The following CACNA2D3 variants were observed in gnomAD, a reference collection of about 807,000 sequenced individuals.
CACNA2D3 encodes voltage-dependent calcium channel subunit alpha-2/delta-3.
CACNA2D3 carries 60 observed loss-of-function variants against 160.6 expected under a neutral mutation model. That is an observed-to-expected ratio of 0.37 (90% CI 0.30 to 0.46). The LOEUF (loss-of-function observed/expected upper bound fraction) is 0.46. CACNA2D3 is among the 20% of genes least tolerant of loss of function. CACNA2D3 has a pLI of 1.00. For missense variants in CACNA2D3, 1,205 were observed against 1,365.0 expected (o/e 0.88, Z 1.85); for synonymous variants, 558 against 492.9 (o/e 1.13, Z -1.75).
intron 4 of CACNA2D3, among the ~76,000 whole-genome samples, chr3:54,422,883 T>C (rs1442314224): frequency 6.6e-6 from 1 of 152,200 alleles, no homozygotes; most frequent in Non-Finnish European, 1.5e-5. Context: ...TTAGCAAAAA[T>C]TGACTAACTG....
chr3:54,391,777 C>T (rs923539679), intron 4 of CACNA2D3, among the ~76,000 whole-genome samples: 1 of 152,144 alleles, frequency 6.6e-6, no homozygotes, highest in Non-Finnish European at 1.5e-5. Context: ...TCCCAAAGTG[C>T]TGGGATTATA....
chr3:54,964,818 ATT>A (rs111676613), intron 27 of CACNA2D3, among the ~76,000 whole-genome samples: 2 of 144,314 alleles, frequency 1.4e-5, no homozygotes, highest in Non-Finnish European at 1.5e-5. Context: ...GGTTATTCTT[ATT>A]TTTTTTTTTG....
intron 11 of CACNA2D3, among the ~76,000 whole-genome samples, chr3:54,717,035 CT>C (rs1701063928): frequency 6.6e-6 from 1 of 151,984 alleles, no homozygotes. Context: ...ACAGTAACTA[CT>C]TTTCTGACTT....
chr3:54,747,876 C>T (rs1701784539), intron 11 of CACNA2D3, among the ~76,000 whole-genome samples: 3 of 152,164 alleles, frequency 2.0e-5, no homozygotes, highest in Non-Finnish European at 4.4e-5. Context: ...AAATGCAGCC[C>T]CCATCACTCT....
At chr3:54,956,550 C>T (rs558912259) in intron 27 of CACNA2D3, among the ~76,000 whole-genome samples, 5 of 152,184 alleles carry the variant, frequency 3.3e-5, no homozygotes, top group African/African-American at 1.2e-4. Flanking sequence ...TGTGCACAGC[C>T]AAAAATACTT....
Position 55,073,865 on chromosome 3 carries a change from T to A in CACNA2D3, c.3183+6T>A. 1 of 1,610,642 alleles carries A rather than the reference T, an allele frequency of 6.2e-7. No individual in the cohort carries two copies. The highest frequency in any genetic ancestry group is 8.5e-7 in the Non-Finnish European group (1 of 1,177,116). Reference sequence around the variant, plus strand: ...GTCATGGCTTCCATCCTGAGGTAAGTCTGAGAACTGTTCCTGTTTCCTTTT... The same window carrying A: ...GTCATGGCTTCCATCCTGAGGTAAGACTGAGAACTGTTCCTGTTTCCTTTT... On this transcript the variant is annotated splice_donor_region_variant and intron_variant, in intron 37 of 37. Coordinates refer to ENST00000474759, the MANE Select transcript of CACNA2D3 (RefSeq NM_018398.3).
intron 2 of CACNA2D3, among the ~76,000 whole-genome samples, chr3:54,129,327 T>C (rs1051271853): frequency 6.6e-6 from 1 of 152,204 alleles, no homozygotes; most frequent in African/African-American, 2.4e-5. Context: ...AAATACATAC[T>C]TGAAAATAGT....
At chr3:54,807,103 A>C (rs1304298897) in intron 13 of CACNA2D3, among the ~76,000 whole-genome samples, 2 of 152,232 alleles carry the variant, frequency 1.3e-5, no homozygotes. Flanking sequence ...TAAAAACCCT[A>C]GAAGAAAACC....
rs137923195 is a variant in CACNA2D3 at position 55,023,578 on chromosome 3, G to A, written c.2987+5261G>A. Among the ~76,000 whole-genome samples, 324 of 152,034 alleles carry A rather than the reference G, an allele frequency of 2.1e-3. 2 individuals are homozygous for A. The highest frequency in any genetic ancestry group is 0.017 in the Middle Eastern group (5 of 294). On this transcript the variant is annotated intron_variant, in intron 35 of 37. Coordinates refer to ENST00000474759, the MANE Select transcript of CACNA2D3 (RefSeq NM_018398.3). ...CTTCTATCTGTGTTTTTCCATGTTAGATTATTGGCTCATGTATTTTGTCAT... is the reference window on the plus strand; with the variant it reads ...CTTCTATCTGTGTTTTTCCATGTTAAATTATTGGCTCATGTATTTTGTCAT...
intron 4 of CACNA2D3, among the ~76,000 whole-genome samples, chr3:54,394,292 C>T (rs909359685): frequency 2.0e-5 from 3 of 151,520 alleles, no homozygotes; most frequent in Non-Finnish European, 2.9e-5. Context: ...GGCAATCTGC[C>T]TGCAACCCTG....
rs115555163 is a variant in CACNA2D3 at position 54,836,050 on chromosome 3, A to G, written c.1399-1109A>G. Among the ~76,000 whole-genome samples, 563 of 152,192 alleles carry G rather than the reference A, an allele frequency of 3.7e-3. 4 individuals carry two copies. The highest frequency in any genetic ancestry group is 5.8e-3 in the Non-Finnish European group (393 of 68,018). On this transcript the variant is annotated intron_variant, in intron 14 of 37. Transcript: ENST00000474759. ...GATTTGTCTTGGGCCAAAGCCTACC[A>G]TGTTCCAAGACTCTGTTTCCCTATT... is the stretch of plus-strand genomic sequence containing the variant.
At chr3:54,876,672 C>T (rs958933322) in intron 18 of CACNA2D3, among the ~76,000 whole-genome samples, 1 of 152,208 alleles carries the variant, frequency 6.6e-6, no homozygotes, top group Non-Finnish European at 1.5e-5. Flanking sequence ...GGCCTCGTTA[C>T]CCTGGGCAAA....
intron 4 of CACNA2D3, among the ~76,000 whole-genome samples, chr3:54,412,610 C>CTTTTTTTTTTTTTTTTTTTTT (rs774491527): frequency 4.1e-5 from 5 of 120,600 alleles, no homozygotes; most frequent in East Asian, 2.4e-4. Context: ...TGGTCTTGTT[C>CTTTTTTTTTTTTTTTTTTTTT]TTTTTTTTTT....
intron 35 of CACNA2D3, among the ~76,000 whole-genome samples, chr3:55,053,809 G>A (rs1482920315): frequency 1.3e-5 from 2 of 151,880 alleles, no homozygotes; most frequent in South Asian, 2.1e-4. Flanking sequence ...GTAACTTCAA[G>A]TACAATGTAA....
chr3:54,538,675 C>T (rs1371422785), intron 5 of CACNA2D3, among the ~76,000 whole-genome samples: 2 of 152,186 alleles, frequency 1.3e-5, no homozygotes, highest in African/African-American at 4.8e-5. Flanking sequence ...GAGGGATTCA[C>T]TGTCCTCCCA....
At chr3:54,737,537 A>G (rs1462255666) in intron 11 of CACNA2D3, among the ~76,000 whole-genome samples, 1 of 152,092 alleles carries the variant, frequency 6.6e-6, no homozygotes, top group African/African-American at 2.4e-5. Flanking sequence ...GTGGTTGGGA[A>G]TTTGGCAGTT....
chr3:54,237,203 G>A (rs779113797), intron 2 of CACNA2D3, among the ~76,000 whole-genome samples: 1 of 152,036 alleles, frequency 6.6e-6, no homozygotes, highest in African/African-American at 2.4e-5. Flanking sequence ...TAAATAATTT[G>A]TGTTAAATAT....
Position 54,123,574 on chromosome 3 carries a change from G to T in CACNA2D3, c.184G>T (p.Gly62Cys). 1 of 1,613,768 alleles carries T rather than the reference G, an allele frequency of 6.2e-7. No individual in the cohort carries two copies. The highest frequency in any genetic ancestry group is 8.5e-7 in the Non-Finnish European group (1 of 1,179,774). ...EIKSIAAKYS[G>C]SQLLQKKYKE... ...AAAATCCATTGCTGCTAAGTACTCC[G>T]GTTCCCAGCTTCTGCAAAAGGTAAG... The change falls in exon 2 of 38, where the codon GGT becomes TGT. Residue 62 changes from glycine to cysteine, a missense_variant. Physicochemically the swap from Gly to Cys is radical, Grantham distance 159. Transcript: ENST00000474759.
In CACNA2D3 at chr3:54,969,869, T is replaced by A. The variant is rs761580680; in HGVS notation, c.2556+25T>A. On this transcript the variant is annotated intron_variant, in intron 29 of 37. Transcript: ENST00000474759. Reference sequence around the variant, plus strand: ...GGTAAGACGGCCTCCTGGTCCTGTTTCTACCCCTGTGGATAGAAGGTGACA... The same window carrying A: ...GGTAAGACGGCCTCCTGGTCCTGTTACTACCCCTGTGGATAGAAGGTGACA... 37 of 1,607,614 alleles carry A rather than the reference T, an allele frequency of 2.3e-5. No homozygotes were observed. The East Asian group carries it at 3.6e-4, about 16-fold the overall frequency.
Sources: gnomAD v4.1 joint callset for allele counts (sites outside exome capture counted in the v4.1 genomes callset) on GRCh38, gnomAD v4.1.1 for gene constraint, MANE v1.5 for transcripts, NCBI Gene and HGNC (gene_info 2026-07-23, HGNC 2026-07-21) for gene names.